ZNF701: variants seen among roughly 807,000 people sequenced by gnomAD.
ZNF701 encodes zinc finger protein 701.
Under a neutral mutation model 7.1 loss-of-function variants are expected in ZNF701, and 6 were observed. That is an observed-to-expected ratio of 0.84 (90% confidence interval 0.46 to 1.66). The LOEUF (loss-of-function observed/expected upper bound fraction) is 1.66, where lower values mean the gene tolerates loss of function less well. ZNF701 is among the 40% of genes most tolerant of loss of function. The probability of loss-of-function intolerance (pLI) is 0.01; values close to 1 mark genes in which losing one functional copy is unlikely to be tolerated. For missense variants in ZNF701, 541 were observed against 559.2 expected, an observed-to-expected ratio of 0.97 and a Z score of 0.33; for synonymous variants, 166 against 188.2, an observed-to-expected ratio of 0.88 and a Z score of 0.97.
At chr19:52,593,013 T>C in the ZNF701 span, among the ~76,000 whole-genome samples, 22 of 116,828 alleles carry the variant, frequency 1.9e-4, 8 homozygotes, top group Middle Eastern at 9.3e-3. Context: ...AGCATCTGTT[T>C]AACAAAGCAC....
At position 52,582,619 on chromosome 19, in the gene ZNF701, G is replaced by A. The variant is rs745842949; in HGVS notation, c.560G>A (p.Arg187His). Residue 187 changes from arginine to histidine, a missense_variant, in exon 4 of 4, where the codon CGT becomes CAT. By Grantham distance (29) the Arg-to-His change is conservative. Coordinates refer to ENST00000391785, the MANE Select transcript of ZNF701 (RefSeq NM_018260.3). ...SQRISCRPKT[R>H]ISNKYRNNFL... Reference sequence around the variant, plus strand: ...CGAATTTCCTGTAGGCCAAAAACTCGTATTTCTAATAAGTATAGGAATAAT... The same window carrying A: ...CGAATTTCCTGTAGGCCAAAAACTCATATTTCTAATAAGTATAGGAATAAT... 4.0e-5 allele frequency: 64 copies of A among 1,613,952 alleles called. No individual in the cohort carries two copies. In the Admixed American group the frequency reaches 6.7e-4, roughly 17 times the overall value.
At chr19:52,589,496 T>TA (rs2060028322), downstream of ZNF701, among the ~76,000 whole-genome samples, 1 of 151,442 alleles carries the variant, frequency 6.6e-6, no homozygotes, top group South Asian at 2.1e-4. Context: ...TTTTTTCTTT[T>TA]AAGACGGAGT....
intron 1 of ZNF701, chr19:52,572,752 C>T (rs1231337591): frequency 2.7e-6 from 1 of 369,840 alleles, no homozygotes; most frequent in South Asian, 2.1e-5. Flanking sequence ...CTCACTGTCA[C>T]TCCACAGCCC....
At chr19:52,576,092 T>A in intron 3 of ZNF701, 71 bp downstream of exon 3, 4 of 1,607,954 alleles carry the variant, frequency 2.5e-6, no homozygotes, top group Non-Finnish European at 3.4e-6. Context: ...TGTTGCCTCT[T>A]GGGAGCCACA....
Position 52,584,252 on chromosome 19 carries a change from T to C in ZNF701, c.*795T>C, listed in dbSNP as rs1409739489. On this transcript the variant is annotated 3_prime_UTR_variant, in exon 4 of 4. Coordinates refer to ENST00000391785, the MANE Select transcript of ZNF701 (RefSeq NM_018260.3). Reference sequence around the variant, plus strand: ...AAACCATCAAGGATTGACAGTAGAGTCAATTCAGAATTGACTTGAGTTTGA... The same window carrying C: ...AAACCATCAAGGATTGACAGTAGAGCCAATTCAGAATTGACTTGAGTTTGA... The C allele has an allele frequency of 5.2e-5, 12 of 229,678 alleles. No homozygotes were observed. In the East Asian group the frequency reaches 1.5e-3, roughly 29 times the overall value. The allele number at this position is 229,678 out of a possible 1,614,324, so 14.2% of individuals were successfully genotyped here.
intron 2 of ZNF701, 107 bp downstream of exon 2, chr19:52,574,269 G>C: frequency 6.6e-7 from 1 of 1,524,074 alleles, no homozygotes; most frequent in South Asian, 1.1e-5. Flanking sequence ...TGACAGGTTT[G>C]CTCACACTCA....
intron 3 of ZNF701, among the ~76,000 whole-genome samples, chr19:52,576,957 G>A (rs1365147029): frequency 1.3e-5 from 2 of 152,082 alleles, no homozygotes; most frequent in East Asian, 3.8e-4. Context: ...AGCTCAGATG[G>A]GCAGAGTGGA....
At chr19:52,570,909 C>T (rs1382371411) in intron 1 of ZNF701, 2 of 152,646 alleles carry the variant, frequency 1.3e-5, no homozygotes, top group East Asian at 1.9e-4. Context: ...CTGCCTAGCT[C>T]CAACCCCTGA....
At chr19:52,589,543 G>C (rs1294044337), downstream of ZNF701, among the ~76,000 whole-genome samples, 2 of 146,996 alleles carry the variant, frequency 1.4e-5, no homozygotes, top group South Asian at 2.2e-4. Context: ...GTAATGGCAC[G>C]ATCTTGGCTG....
chr19:52,595,967 G>T, the ZNF701 span: 2 of 1,610,204 alleles, frequency 1.2e-6, no homozygotes, highest in African/African-American at 2.7e-5. Flanking sequence ...TAATCAAGTG[G>T]AGAAGTCTAT....
intron 3 of ZNF701, 132 bp downstream of exon 3, chr19:52,576,153 C>G: frequency 6.5e-7 from 1 of 1,548,364 alleles, no homozygotes; most frequent in South Asian, 1.2e-5. Context: ...TGAAAAGCTT[C>G]ATGATGTAGC....
chr19:52,590,442 T>C (rs1276970046), downstream of ZNF701, among the ~76,000 whole-genome samples: 3 of 152,218 alleles, frequency 2.0e-5, no homozygotes, highest in Non-Finnish European at 4.4e-5. Context: ...TGAACCCATG[T>C]ATTGAGTTTT....
At chr19:52,571,438 G>A (rs938101410) in intron 1 of ZNF701, among the ~76,000 whole-genome samples, 18 of 152,048 alleles carry the variant, frequency 1.2e-4, no homozygotes, top group African/African-American at 4.1e-4. Context: ...GATAAGAGGC[G>A]GAAATATATG....
chr19:52,582,103 G>A, intron 3 of ZNF701, 99 bp from the exon 4 acceptor site: 1 of 1,105,690 alleles, frequency 9.0e-7, no homozygotes, highest in South Asian at 2.1e-5. Flanking sequence ...TGTTTGGGAA[G>A]TTTAAAATAA....
chr19:52,583,690 C>A lies in ZNF701; in HGVS notation c.*233C>A, dbSNP rs1804534467. 1.1e-5 allele frequency: 10 copies of A among 901,562 alleles called. No individual in the cohort carries two copies. The South Asian group carries it at 1.4e-4, about 12-fold the overall frequency. 55.8% of individuals were successfully genotyped at this position (901,562 alleles called of 1,614,324 possible). ...CTGGCCCAACATACTGGAATTCACA[C>A]TGGAAAGGAACTGTACAAGTGTAAT... On this transcript the variant is annotated 3_prime_UTR_variant, in exon 4 of 4. Coordinates refer to ENST00000391785, the MANE Select transcript of ZNF701 (RefSeq NM_018260.3).
At position 52,583,683 on chromosome 19, in the gene ZNF701, A is replaced by G; in HGVS notation, c.*226A>G. On this transcript the variant is annotated 3_prime_UTR_variant, in exon 4 of 4. Transcript: ENST00000391785. ...TTCACACCTGGCCCAACATACTGGAATTCACACTGGAAAGGAACTGTACAA... is the reference window on the plus strand; with the variant it reads ...TTCACACCTGGCCCAACATACTGGAGTTCACACTGGAAAGGAACTGTACAA... 1 of 924,368 alleles carries G rather than the reference A, an allele frequency of 1.1e-6. No individual in the cohort carries two copies. 57.3% of individuals were successfully genotyped at this position (924,368 alleles called of 1,614,324 possible).
intron 3 of ZNF701, among the ~76,000 whole-genome samples, chr19:52,578,253 C>CAAAAAAAAAAA (rs58385761): frequency 2.4e-5 from 1 of 40,924 alleles, no homozygotes; most frequent in Non-Finnish European, 4.7e-5. Flanking sequence ...GACTCCGTCT[C>CAAAAAAAAAAA]AAAAAAAAAA....
the ZNF701 span, among the ~76,000 whole-genome samples, chr19:52,593,681 C>T: frequency 8.9e-6 from 1 of 111,960 alleles, no homozygotes; most frequent in Admixed American, 9.1e-5. Flanking sequence ...ACTTATCAGA[C>T]GGGGTGGCTG....
downstream of ZNF701, among the ~76,000 whole-genome samples, chr19:52,589,552 T>C (rs556911958): frequency 3.8e-4 from 57 of 151,480 alleles, no homozygotes; most frequent in Non-Finnish European, 6.8e-4. Flanking sequence ...CGATCTTGGC[T>C]GACTGCAGCC....
Sources: gnomAD v4.1 joint callset for allele counts (sites outside exome capture counted in the v4.1 genomes callset) on GRCh38, gnomAD v4.1.1 for gene constraint, MANE v1.5 for transcripts, NCBI Gene and HGNC (gene_info 2026-07-23, HGNC 2026-07-21) for gene names.